Variants in COL10A1 observed in about 807,000 individuals in gnomAD.
COL10A1 encodes collagen type X alpha 1 chain, also known as collagen alpha-1(X) chain.
A neutral mutation model predicts 18.2 loss-of-function variants in COL10A1; 10 were observed. The observed-to-expected ratio is 0.55, with a 90% CI of 0.34 to 0.93. The LOEUF is 0.93. Among genes scored for constraint, COL10A1 ranks in the 40% least tolerant of loss-of-function variants. The pLI is 0.02. For missense variants in COL10A1, 897 were observed against 853.5 expected (o/e 1.05, Z -0.64); for synonymous variants, 330 against 316.6 (o/e 1.04, Z -0.45).
Position 116,125,438 on chromosome 6 carries a change from C to T in COL10A1, c.55G>A (p.Val19Met), listed in dbSNP as rs1369364598. ...LLVSLNLVHG[V>M]FYAERYQMPT... ...ATTTGGTATCGTTCAGCGTAAAACA[C>T]TCCATGAACCAAGTTCAAGGATACT... Residue 19 changes from valine to methionine, a missense_variant, in exon 2 of 3, where the codon GTG (valine) becomes ATG (methionine). Val to Met is a conservative substitution (Grantham distance 21). Coordinates refer to ENST00000651968, the MANE Select transcript of COL10A1 (RefSeq NM_000493.4). 6 of 1,613,708 alleles carry T rather than the reference C, an allele frequency of 3.7e-6. No individual in the cohort carries two copies. In the East Asian group the frequency reaches 6.7e-5, roughly 18 times the overall value.
chr6:116,139,964 T>C (rs1193691859), intron 1 of COL10A1, among the ~76,000 whole-genome samples: 9 of 152,164 alleles, frequency 5.9e-5, no homozygotes, highest in Non-Finnish European at 1.2e-4. Flanking sequence ...GAGTCTTCCA[T>C]GTGTCAGGTG....
upstream of COL10A1, among the ~76,000 whole-genome samples, chr6:116,163,379 G>A (rs1411176008): frequency 6.6e-6 from 1 of 151,498 alleles, no homozygotes; most frequent in Non-Finnish European, 1.5e-5. Flanking sequence ...AAATTTATTT[G>A]TTTCCTCTAA....
intron 2 of COL10A1, 65 bp downstream of exon 2, chr6:116,125,274 A>G: frequency 6.4e-7 from 1 of 1,558,878 alleles, no homozygotes; most frequent in Admixed American, 1.8e-5. Context: ...TGTTAAAGAG[A>G]TTATTAAGAT....
chr6:116,203,299 T>A, the COL10A1 span, among the ~76,000 whole-genome samples: 1 of 151,976 alleles, frequency 6.6e-6, no homozygotes, highest in Non-Finnish European at 1.5e-5. Context: ...TATTATTACT[T>A]TACTATACAT....
Position 116,155,385 on chromosome 6 carries a change from G to A in COL10A1, c.-16+3229C>T, listed in dbSNP as rs139156609. Among the ~76,000 whole-genome samples, 366 of 152,014 alleles carry A rather than the reference G, an allele frequency of 2.4e-3. 5 individuals are homozygous for A. Among genetic ancestry groups the A allele is most frequent in the African/African-American group, 8.1e-3 (338 of 41,476 alleles). On this transcript the variant is annotated intron_variant, in intron 1 of 1. Transcript: ENST00000418500. ...TTTTATTTTTTGGTTTTTGTCACTC[G>A]CCAACACAAACATCTCTTTTGGAAT...
chr6:116,154,600 A>G (rs1780135616), intron 1 of COL10A1, among the ~76,000 whole-genome samples: 1 of 152,224 alleles, frequency 6.6e-6, no homozygotes, highest in Admixed American at 6.5e-5. Context: ...TGGTGTTTAA[A>G]ACAGTTTGAA....
chr6:116,209,906 G>A, the COL10A1 span, among the ~76,000 whole-genome samples: 1 of 151,864 alleles, frequency 6.6e-6, no homozygotes, highest in Admixed American at 6.6e-5. Flanking sequence ...AACAGATAAT[G>A]GTCATCAAAT....
At chr6:116,208,926 C>CA in the COL10A1 span, among the ~76,000 whole-genome samples, 2 of 151,940 alleles carry the variant, frequency 1.3e-5, no homozygotes, top group Admixed American at 6.6e-5. Context: ...GCAGTTACAT[C>CA]ATGGCTGGGG....
intron 1 of COL10A1, among the ~76,000 whole-genome samples, chr6:116,155,688 A>G (rs1780171602): frequency 1.3e-5 from 2 of 151,756 alleles, no homozygotes; most frequent in South Asian, 4.2e-4. Flanking sequence ...GCTGGTATCC[A>G]TCTAAAGGGC....
chr6:116,211,754 A>G, the COL10A1 span, among the ~76,000 whole-genome samples: 1 of 152,072 alleles, frequency 6.6e-6, no homozygotes, highest in South Asian at 2.1e-4. Context: ...TTTCTCGACT[A>G]TAACAAAGGG....
chr6:116,215,802 A>G, the COL10A1 span, among the ~76,000 whole-genome samples: 2 of 152,172 alleles, frequency 1.3e-5, no homozygotes, highest in East Asian at 1.9e-4. Context: ...TGGGTAAACT[A>G]TTACAATACA....
chr6:116,122,841 A>G (rs924962410), intron 2 of COL10A1, among the ~76,000 whole-genome samples: 3 of 152,230 alleles, frequency 2.0e-5, no homozygotes, highest in Non-Finnish European at 4.4e-5. Flanking sequence ...AATTAGAGTT[A>G]TATTTCAATT....
chr6:116,157,665 A>G (rs1194379936), intron 1 of COL10A1, among the ~76,000 whole-genome samples: 1 of 152,150 alleles, frequency 6.6e-6, no homozygotes, highest in Non-Finnish European at 1.5e-5. Flanking sequence ...CCTTCCCCAA[A>G]TTTGGGCTCA....
At chr6:116,128,471 T>C (rs1456991451), upstream of COL10A1, among the ~76,000 whole-genome samples, 3 of 152,192 alleles carry the variant, frequency 2.0e-5, no homozygotes, top group African/African-American at 7.2e-5. Flanking sequence ...CTCTTTAAAC[T>C]CTATAACCTG....
intron 1 of COL10A1, among the ~76,000 whole-genome samples, chr6:116,140,376 C>T (rs1481215093): frequency 6.6e-6 from 1 of 152,078 alleles, no homozygotes; most frequent in Non-Finnish European, 1.5e-5. Context: ...CTCTTTTCTG[C>T]CTTACATTCC....
chr6:116,136,715 T>C (rs991873153), intron 1 of COL10A1, among the ~76,000 whole-genome samples: 5 of 152,198 alleles, frequency 3.3e-5, no homozygotes, highest in African/African-American at 9.6e-5. Flanking sequence ...TATGCTGTTA[T>C]CATGAGTTTG....
chr6:116,206,289 T>C, the COL10A1 span, among the ~76,000 whole-genome samples: 1 of 152,002 alleles, frequency 6.6e-6, no homozygotes, highest in East Asian at 1.9e-4. Context: ...AAATTTTTAC[T>C]ATGTGTAAAG....
chr6:116,148,140 T>C (rs765390624), intron 1 of COL10A1, among the ~76,000 whole-genome samples: 2 of 152,202 alleles, frequency 1.3e-5, no homozygotes, highest in Non-Finnish European at 2.9e-5. Context: ...TAACACAGAA[T>C]ATCTCATATT....
chr6:116,127,817 A>G (rs922977452), upstream of COL10A1, among the ~76,000 whole-genome samples: 1 of 152,192 alleles, frequency 6.6e-6, no homozygotes, highest in Non-Finnish European at 1.5e-5. Context: ...GTGAACGTTC[A>G]GAAGACTAAT....
Sources: gnomAD v4.1 joint callset for allele counts (sites outside exome capture counted in the v4.1 genomes callset) on GRCh38, gnomAD v4.1.1 for gene constraint, MANE v1.5 for transcripts, NCBI Gene and HGNC (gene_info 2026-07-23, HGNC 2026-07-21) for gene names.